The following NAGS variants were observed in gnomAD, a reference collection of about 807,000 sequenced individuals.
NAGS encodes N-acetylglutamate synthase, also known as N-acetylglutamate synthase, mitochondrial.
In NAGS, 34 loss-of-function variants were observed where a neutral mutation model predicts 46.9. That is an observed-to-expected ratio of 0.72 (90% confidence interval 0.55 to 0.97). NAGS has a LOEUF of 0.97. Ranked by LOEUF, NAGS falls within the 50% of genes least tolerant of loss-of-function variation. The pLI is 0.00. For synonymous variants in NAGS, 334 were observed against 346.3 expected (o/e 0.96, Z 0.39); for missense variants, 665 against 747.0 (o/e 0.89, Z 1.28).
rs2049107281 is a variant in NAGS, at chr17:44,007,373, C to T, written c.1147C>T (p.Leu383=). 6.2e-7 allele frequency: 1 copy of T among 1,613,806 alleles called. No homozygotes were observed. The highest frequency in any genetic ancestry group is 8.5e-7 in the Non-Finnish European group (1 of 1,179,988). The part of the protein sequence containing the change: ...NAERMLRVRS[L]DKLDQGRLVD... ...CGAGCGAATGCTACGGGTGCGCAGC[C>T]TGGACAAGCTGGACCAGGGCCGTCT... The change falls in exon 5 of 7, where the codon CTG becomes TTG. Residue 383 remains leucine, a synonymous_variant. Transcript: ENST00000293404. The surrounding 1 kb of genome is among the most constrained non-coding windows in gnomAD (Gnocchi z 5.1).
Position 44,006,529 on chromosome 17 carries a change from G to C in NAGS, c.916G>C (p.Val306Leu), listed in dbSNP as rs763878126. 1.3e-5 allele frequency: 20 copies of C among 1,552,914 alleles called. No homozygotes were observed. The highest frequency in any genetic ancestry group is 1.6e-5 in the Non-Finnish European group (18 of 1,148,116). ...TGGLRDSSHK[V>L]LSNVNLPADL... ...GCTCACCCGCTGACTCCGGACACAG[G>C]TCCTGAGTAACGTGAACCTGCCCGC... Residue 306 changes from valine (V) to leucine (L), a missense_variant and splice_region_variant, in exon 4 of 7, where the codon GTC becomes CTC. Val to Leu is a conservative substitution (Grantham distance 32, BLOSUM62 1). Transcript: ENST00000293404. This position sits in a 1 kb window ranked among gnomAD's most constrained non-coding sequence, Gnocchi z 4.8.
rs768241375 is a variant in NAGS at position 44,006,744 on chromosome 17, G to A, written c.1096+35G>A. On this transcript the variant is annotated intron_variant, in intron 4 of 6. Coordinates refer to ENST00000293404, the MANE Select transcript of NAGS (RefSeq NM_153006.3). The surrounding 1 kb of genome is among the most constrained non-coding windows in gnomAD (Gnocchi z 4.8). ...GTGGGCGGGCCGGGGACTGGGTCCC[G>A]GGAGTGAGTACTGGCCGGGGCTGGG... 6 of 1,567,356 alleles carry A rather than the reference G, an allele frequency of 3.8e-6. No homozygotes were observed. In the African/African-American group the frequency reaches 4.0e-5, roughly 11 times the overall value.
chr17:44,006,365 T>C lies in NAGS; in HGVS notation c.915+128T>C. ...GTGGGTAGAAAAGCCTAAGGGAGTA[T>C]AGGGGAGGAGTTCAGCCCTGGGTGC... On this transcript the variant is annotated intron_variant, in intron 3 of 6. Transcript: ENST00000293404. The surrounding 1 kb of genome is among the most constrained non-coding windows in gnomAD (Gnocchi z 4.8). The C allele has an allele frequency of 1.4e-6, 2 of 1,450,704 alleles. No homozygotes were observed. The highest frequency in any genetic ancestry group is 1.9e-6 in the Non-Finnish European group (2 of 1,058,704). 89.9% of individuals were successfully genotyped at this position (1,450,704 alleles called of 1,614,324 possible).
Position 44,006,471 on chromosome 17 carries a change from G to A in NAGS, c.916-58G>A, listed in dbSNP as rs2049092822. ...TCAGAGAAAAGAGAGGTCCGTGGGG[G>A]TAGGGGGGCAGTCCGTGCCGGCTGT... On this transcript the variant is annotated intron_variant, in intron 3 of 6. Coordinates refer to ENST00000293404, the MANE Select transcript of NAGS (RefSeq NM_153006.3). The surrounding 1 kb of genome is among the most constrained non-coding windows in gnomAD (Gnocchi z 4.8). 4 of 1,542,188 alleles carry A rather than the reference G, an allele frequency of 2.6e-6. No individual in the cohort carries two copies. The highest frequency in any genetic ancestry group is 2.1e-4 in the Middle Eastern group (1 of 4,692).
rs753132140 is a variant in NAGS at position 44,007,304 on chromosome 17, C to T, written c.1097-19C>T. The stretch of plus-strand genomic sequence containing the variant: ...AAACGGCCCTCCAGCCAGACTAGCC[C>T]CTCCCCATCCTCCTCCAGGGTCCGG... On this transcript the variant is annotated intron_variant, in intron 4 of 6. Coordinates refer to ENST00000293404, the MANE Select transcript of NAGS (RefSeq NM_153006.3). This position sits in a 1 kb window ranked among gnomAD's most constrained non-coding sequence, Gnocchi z 5.1. 2.0e-5 allele frequency: 33 copies of T among 1,612,928 alleles called. No homozygotes were observed. The South Asian group carries it at 3.6e-4, about 18-fold the overall frequency.
In NAGS at chr17:44,006,243, G is replaced by GAA. The variant is rs745844473; in HGVS notation, c.915+6_915+7insAA. On this transcript the variant is annotated splice_region_variant and intron_variant, in intron 3 of 6. Transcript: ENST00000293404. This position sits in a 1 kb window ranked among gnomAD's most constrained non-coding sequence, Gnocchi z 4.8. The stretch of plus-strand genomic sequence containing the variant: ...TGCGCGACAGCAGTCATAAGGTGCG[G>GAA]CCCTTTCTTTCACCTTCCCCCACGC... The GAA allele has an allele frequency of 5.0e-6, 8 of 1,612,866 alleles. No individual in the cohort carries two copies. The highest frequency in any genetic ancestry group is 5.9e-6 in the Non-Finnish European group (7 of 1,179,900).
At position 44,007,130 on chromosome 17, in the gene NAGS, C is replaced by T; in HGVS notation, c.1097-193C>T. ...CAGGCGACAGGAGGAACTTGGGGCA[C>T]AATCTCTGCCTGGGGAAAGCATCTC... On this transcript the variant is annotated intron_variant, in intron 4 of 6. Transcript: ENST00000293404. This position sits in a 1 kb window ranked among gnomAD's most constrained non-coding sequence, Gnocchi z 5.1. 4.8e-6 allele frequency: 3 copies of T among 630,552 alleles called. No homozygotes were observed. The highest frequency in any genetic ancestry group is 8.2e-6 in the Non-Finnish European group (3 of 366,194). 39.1% of individuals were successfully genotyped at this position (630,552 alleles called of 1,614,324 possible).
chr17:44,006,270 G>A lies in NAGS; in HGVS notation c.915+33G>A, dbSNP rs547121905. On this transcript the variant is annotated intron_variant, in intron 3 of 6. Transcript: ENST00000293404. The surrounding 1 kb of genome is among the most constrained non-coding windows in gnomAD (Gnocchi z 4.8). ...CCTTTCTTTCACCTTCCCCCACGCC[G>A]GCGATCCGGGCCTTCTCTTGCGCCC... is the stretch of plus-strand genomic sequence containing the variant. The A allele has an allele frequency of 9.3e-6, 15 of 1,605,040 alleles. 1 individual carries two copies. The South Asian group carries it at 1.6e-4, about 17-fold the overall frequency.
chr17:44,004,638 T>C lies in NAGS; in HGVS notation c.-26T>C. 6.7e-7 allele frequency: 1 copy of C among 1,502,898 alleles called. No individual in the cohort carries two copies. The highest frequency in any genetic ancestry group is 8.9e-7 in the Non-Finnish European group (1 of 1,123,592). 93.1% of individuals were successfully genotyped at this position (1,502,898 alleles called of 1,614,324 possible). A position where few individuals can be genotyped will look rare whatever the true frequency, so the allele number is the denominator to read the frequency against. On this transcript the variant is annotated 5_prime_UTR_variant, in exon 1 of 7. Coordinates refer to ENST00000293404, the MANE Select transcript of NAGS (RefSeq NM_153006.3). ...AGACGCTCCAGACAGACTGCCACTC[T>C]TGGGGGGCAAGAGTTGGTTGTCGTC...
Position 44,004,844 on chromosome 17 carries a change from G to T in NAGS, c.181G>T (p.Glu61Ter). The T allele has an allele frequency of 6.6e-7, 1 of 1,521,792 alleles. No homozygotes were observed. The highest frequency in any genetic ancestry group is 8.8e-7 in the Non-Finnish European group (1 of 1,140,488). 94.3% of individuals were successfully genotyped at this position (1,521,792 alleles called of 1,614,324 possible). A position where few individuals can be genotyped will look rare whatever the true frequency, so the allele number is the denominator to read the frequency against. ...CTGGTCGCAGCCCCAGCCCCCGCCC[G>T]AGGAGTACGCGGGCGCGGACGACGT... Reference protein sequence around the residue: ...TAWSQPQPPPEEYAGADDVSQ... With the variant: ...TAWSQPQPPP The change falls in exon 1 of 7, where the codon GAG becomes TAG. Residue 61 changes from glutamate (E) to a stop codon, truncating the protein, a stop_gained. Coordinates refer to ENST00000293404, the MANE Select transcript of NAGS (RefSeq NM_153006.3). LOFTEE classifies it high-confidence loss of function.
In NAGS at chr17:44,007,009, G is replaced by A. The variant is rs228772; in HGVS notation, c.1096+300G>A. On this transcript the variant is annotated intron_variant, in intron 4 of 6. Coordinates refer to ENST00000293404, the MANE Select transcript of NAGS (RefSeq NM_153006.3). The surrounding 1 kb of genome is among the most constrained non-coding windows in gnomAD (Gnocchi z 5.1). ...GGGACCATAAGGGAGGTGTTCGACC[G>A]GGAGAGATGGGCGGGGCTTAGGTGG... 439,453 of 476,384 alleles carry A rather than the reference G, an allele frequency of 0.92. 204,597 individuals carry two copies. Among genetic ancestry groups the A allele is most frequent in the East Asian group, 1 (22,382 of 22,386 alleles). 29.5% of individuals were successfully genotyped at this position (476,384 alleles called of 1,614,324 possible).
rs377204941 is a variant in NAGS, at chr17:44,007,123, T to C, written c.1097-200T>C. 2 of 620,288 alleles carry C rather than the reference T, an allele frequency of 3.2e-6. No individual in the cohort carries two copies. The highest frequency in any genetic ancestry group is 2.8e-5 in the East Asian group (1 of 35,724). The allele number at this position is 620,288 out of a possible 1,614,324, so 38.4% of individuals were successfully genotyped here. On this transcript the variant is annotated intron_variant, in intron 4 of 6. Transcript: ENST00000293404. This position sits in a 1 kb window ranked among gnomAD's most constrained non-coding sequence, Gnocchi z 5.1. The stretch of plus-strand genomic sequence containing the variant: ...GGGGCTCCAGGCGACAGGAGGAACT[T>C]GGGGCACAATCTCTGCCTGGGGAAA...
Position 44,006,269 on chromosome 17 carries a change from C to A in NAGS, c.915+32C>A, listed in dbSNP as rs1419337957. The A allele has an allele frequency of 1.2e-6, 2 of 1,606,282 alleles. No homozygotes were observed. The highest frequency in any genetic ancestry group is 8.5e-7 in the Non-Finnish European group (1 of 1,176,426). Reference sequence around the variant, plus strand: ...CCCTTTCTTTCACCTTCCCCCACGCCGGCGATCCGGGCCTTCTCTTGCGCC... The same window carrying A: ...CCCTTTCTTTCACCTTCCCCCACGCAGGCGATCCGGGCCTTCTCTTGCGCC... On this transcript the variant is annotated intron_variant, in intron 3 of 6. Coordinates refer to ENST00000293404, the MANE Select transcript of NAGS (RefSeq NM_153006.3). This position sits in a 1 kb window ranked among gnomAD's most constrained non-coding sequence, Gnocchi z 4.8.
Position 44,007,733 on chromosome 17 carries a change from C to A in NAGS, c.1411C>A (p.Leu471Ile), listed in dbSNP as rs910094479. 1 of 1,595,478 alleles carries A rather than the reference C, an allele frequency of 6.3e-7. No individual in the cohort carries two copies. The highest frequency in any genetic ancestry group is 1.7e-5 in the Admixed American group (1 of 58,816). ...WECLRRDLQT[L>I]FWRSRVTNPI... ...GTGCCTGCGGCGGGACCTTCAGACA[C>A]TTTTCTGGCGCTCCCGGGTCACCAA... is the stretch of plus-strand genomic sequence containing the variant. Residue 471 changes from leucine (L) to isoleucine (I), a missense_variant, in exon 6 of 7, where the codon CTT (leucine) becomes ATT (isoleucine). By Grantham distance (5) the Leu-to-Ile change is conservative. Transcript: ENST00000293404. This position sits in a 1 kb window ranked among gnomAD's most constrained non-coding sequence, Gnocchi z 5.1.
In NAGS at chr17:44,005,578, C is replaced by A. The variant is rs1008184908; in HGVS notation, c.427-59C>A. The A allele has an allele frequency of 6.3e-7, 1 of 1,583,164 alleles. No homozygotes were observed. The highest frequency in any genetic ancestry group is 1.2e-5 in the South Asian group (1 of 86,764). ...CACCGAGACGGCCCTGCAGGCCAGG[C>A]TGTGGGAGCCAGCGGCTCAGGTCCG... On this transcript the variant is annotated intron_variant, in intron 1 of 6. Transcript: ENST00000293404. This position sits in a 1 kb window ranked among gnomAD's most constrained non-coding sequence, Gnocchi z 7.2.
At position 44,005,603 on chromosome 17, in the gene NAGS, G is replaced by A. The variant is rs1186859000; in HGVS notation, c.427-34G>A. On this transcript the variant is annotated intron_variant, in intron 1 of 6. Transcript: ENST00000293404. The surrounding 1 kb of genome is among the most constrained non-coding windows in gnomAD (Gnocchi z 7.2). Reference sequence around the variant, plus strand: ...CTGTGGGAGCCAGCGGCTCAGGTCCGTGTCACGCTCCTTGAAAGCCCACTC... The same window carrying A: ...CTGTGGGAGCCAGCGGCTCAGGTCCATGTCACGCTCCTTGAAAGCCCACTC... 3.1e-6 allele frequency: 5 copies of A among 1,603,318 alleles called. No homozygotes were observed. Among genetic ancestry groups the A allele is most frequent in the Non-Finnish European group, 4.3e-6 (5 of 1,175,880 alleles).
chr17:44,006,941 AG>A lies in NAGS; in HGVS notation c.1096+238del, dbSNP rs1431612098. On this transcript the variant is annotated intron_variant, in intron 4 of 6. Transcript: ENST00000293404. The surrounding 1 kb of genome is among the most constrained non-coding windows in gnomAD (Gnocchi z 4.8). ...AGGAATTAAAGGAATGGGCGGGACT[AG>A]GGGGGAGAAGGAGGGGCCCCCCGGT... The A allele has an allele frequency of 1.9e-5, 4 of 212,180 alleles. No individual in the cohort carries two copies. Among genetic ancestry groups the A allele is most frequent in the Non-Finnish European group, 1.7e-5 (2 of 114,854 alleles). 13.1% of individuals were successfully genotyped at this position (212,180 alleles called of 1,614,324 possible).
intron 6 of NAGS, 141 bp from the exon 7 acceptor site, chr17:44,008,307 G>T: frequency 1.5e-6 from 1 of 660,730 alleles, no homozygotes; most frequent in East Asian, 2.5e-5. Flanking sequence ...AGGATAAAAT[G>T]AGATAACACA....
rs143427275 is a variant in NAGS, at chr17:44,006,037, G to A, written c.715G>A (p.Val239Ile). Residue 239 changes from valine to isoleucine, a missense_variant, in exon 3 of 7, where the codon GTC becomes ATC. Coordinates refer to ENST00000293404, the MANE Select transcript of NAGS (RefSeq NM_153006.3). The surrounding 1 kb of genome is among the most constrained non-coding windows in gnomAD (Gnocchi z 4.8). ...TCTGGCCCACAGCTACGGCGGCATC[G>A]TCTCGGTGGAGACAGACCTGCTGCA... ...PAPHASYGGI[V>I]SVETDLLQWC... The A allele has an allele frequency of 1.2e-5, 20 of 1,603,266 alleles. No individual in the cohort carries two copies. The African/African-American group carries it at 2.5e-4, about 20-fold the overall frequency.
Sources: allele counts gnomAD v4.1 joint callset, GRCh38; gene constraint gnomAD v4.1.1; non-coding constraint Gnocchi (gnomAD v3.1); transcripts MANE v1.5; gene names NCBI Gene and HGNC (gene_info 2026-07-23, HGNC 2026-07-21).